The following TRAPPC9 variants were observed in gnomAD, a reference collection of about 807,000 sequenced individuals.
TRAPPC9 encodes the protein IKK2 binding protein.
TRAPPC9 carries 83 observed loss-of-function variants against 124.0 expected under a neutral mutation model. That is an observed-to-expected ratio of 0.67 (90% confidence interval 0.56 to 0.80). TRAPPC9 has a LOEUF of 0.80. TRAPPC9 is among the 30% of genes least tolerant of loss of function. The pLI, the probability that TRAPPC9 is intolerant of heterozygous loss-of-function variation, is 0.00. For missense variants in TRAPPC9, 1,302 were observed against 1,508.3 expected, an observed-to-expected ratio of 0.86 and a Z score of 2.27; for synonymous variants, 638 against 617.5, an observed-to-expected ratio of 1.03 and a Z score of -0.49.
At chr8:139,971,350 G>A (rs1228895153) in intron 19 of TRAPPC9, among the ~76,000 whole-genome samples, 5 of 151,992 alleles carry the variant, frequency 3.3e-5, no homozygotes, top group African/African-American at 1.2e-4. Context: ...GTGCTCCCCC[G>A]CCCCCAACCT....
chr8:139,857,546 C>T (rs1424236032), intron 21 of TRAPPC9, among the ~76,000 whole-genome samples: 8 of 152,204 alleles, frequency 5.3e-5, no homozygotes, highest in East Asian at 1.9e-4. Flanking sequence ...TTCACTCTCA[C>T]GGCTGCCACT....
intron 21 of TRAPPC9, among the ~76,000 whole-genome samples, chr8:139,855,183 A>C (rs1020175550): frequency 3.9e-5 from 6 of 152,244 alleles, no homozygotes; most frequent in Non-Finnish European, 5.9e-5. Flanking sequence ...TAAATAAAAT[A>C]GGCCCAAAGA....
chr8:140,394,772 C>T (rs1410042782), intron 7 of TRAPPC9, among the ~76,000 whole-genome samples: 2 of 152,124 alleles, frequency 1.3e-5, no homozygotes, highest in Non-Finnish European at 2.9e-5. Flanking sequence ...ATGTTTACAC[C>T]CAGTCTCTCT....
chr8:139,874,848 C>A (rs1177385166), intron 21 of TRAPPC9, among the ~76,000 whole-genome samples: 3 of 152,148 alleles, frequency 2.0e-5, no homozygotes, highest in Non-Finnish European at 4.4e-5. Context: ...TCGCCCTGAG[C>A]GCCGTGGGAA....
At chr8:139,845,500 C>T (rs1365075306) in intron 21 of TRAPPC9, among the ~76,000 whole-genome samples, 2 of 152,266 alleles carry the variant, frequency 1.3e-5, no homozygotes, top group African/African-American at 4.8e-5. Context: ...GGAGCCCGTA[C>T]TTCCAGGCTT....
chr8:140,337,623 C>A (rs1472471200), intron 9 of TRAPPC9, among the ~76,000 whole-genome samples: 1 of 152,186 alleles, frequency 6.6e-6, no homozygotes, highest in Admixed American at 6.5e-5. Context: ...CTCTGCCATG[C>A]AGCACGTGGG....
intron 21 of TRAPPC9, among the ~76,000 whole-genome samples, chr8:139,815,590 C>G (rs952023239): frequency 6.6e-6 from 1 of 152,160 alleles, no homozygotes; most frequent in Non-Finnish European, 1.5e-5. Context: ...CAGGGTTTCA[C>G]CATGTTGGCC....
At position 139,984,593 on chromosome 8, in the gene TRAPPC9, T is replaced by A. The variant is rs1837123808; in HGVS notation, c.2810+4133A>T. Among the ~76,000 whole-genome samples, 1 of 152,092 alleles carries A rather than the reference T, an allele frequency of 6.6e-6. No homozygotes were observed. On this transcript the variant is annotated intron_variant, in intron 19 of 22. Transcript: ENST00000438773. This position sits in a 1 kb window ranked among gnomAD's most constrained non-coding sequence, Gnocchi z 4.3. ...AAGGACAGGGACCAGGTCTGAGGTC[T>A]GTAAGGTGCTGTCCGGCGTTGCGAA...
intron 21 of TRAPPC9, among the ~76,000 whole-genome samples, chr8:139,737,213 G>C (rs528307018): frequency 2.6e-5 from 4 of 152,264 alleles, no homozygotes; most frequent in Admixed American, 2.0e-4. Context: ...CTGAGGGACA[G>C]AGCGGGCAGC....
At chr8:140,289,178 T>C (rs1157095738) in intron 12 of TRAPPC9, among the ~76,000 whole-genome samples, 1 of 17,294 alleles carries the variant, frequency 5.8e-5, no homozygotes, top group Non-Finnish European at 1.0e-4. Flanking sequence ...ATATATAGTG[T>C]GTGTGTGTGT....
intron 22 of TRAPPC9, 22 bp from the exon 23 acceptor site, chr8:139,731,250 A>C: frequency 6.2e-7 from 1 of 1,612,264 alleles, no homozygotes; most frequent in Non-Finnish European, 8.5e-7. Context: ...GGAGAAAGAC[A>C]CATCAGTCTG....
At chr8:140,386,296 T>A (rs949435591) in intron 7 of TRAPPC9, among the ~76,000 whole-genome samples, 4 of 152,090 alleles carry the variant, frequency 2.6e-5, no homozygotes, top group African/African-American at 9.7e-5. Context: ...CTATTCAACA[T>A]AGTTGGAAGT....
intron 17 of TRAPPC9, among the ~76,000 whole-genome samples, chr8:140,117,870 C>A (rs961070916): frequency 3.3e-5 from 5 of 152,140 alleles, no homozygotes; most frequent in African/African-American, 1.2e-4. Flanking sequence ...TTACAAGATA[C>A]AACATCAAAT....
intron 19 of TRAPPC9, among the ~76,000 whole-genome samples, chr8:139,949,035 T>C (rs1040832846): frequency 3.9e-5 from 6 of 151,970 alleles, no homozygotes; most frequent in African/African-American, 1.2e-4. Flanking sequence ...ATTGCACCAC[T>C]GTACTCCGGC....
At chr8:139,748,674 A>C (rs1819117531) in intron 21 of TRAPPC9, among the ~76,000 whole-genome samples, 1 of 151,982 alleles carries the variant, frequency 6.6e-6, no homozygotes, top group Non-Finnish European at 1.5e-5. Context: ...GGCATCTGCC[A>C]TTGGCGTGTC....
chr8:140,046,418 C>T (rs1841599764), intron 17 of TRAPPC9, among the ~76,000 whole-genome samples: 1 of 152,240 alleles, frequency 6.6e-6, no homozygotes, highest in Admixed American at 6.5e-5. Flanking sequence ...GGCCTTCGCC[C>T]CAGACTCCCC....
intron 5 of TRAPPC9, among the ~76,000 whole-genome samples, chr8:140,406,110 C>T (rs761076204): frequency 3.3e-5 from 5 of 152,000 alleles, no homozygotes; most frequent in Middle Eastern, 3.4e-3. Flanking sequence ...CTGAACCACA[C>T]GGCATTGAAA....
chr8:139,887,505 T>C (rs2131129897), intron 20 of TRAPPC9, among the ~76,000 whole-genome samples: 1 of 152,354 alleles, frequency 6.6e-6, no homozygotes, highest in Non-Finnish European at 1.5e-5. Context: ...ATTACAGGCG[T>C]GAGCCACAGT....
intron 17 of TRAPPC9, among the ~76,000 whole-genome samples, chr8:140,080,012 T>C (rs1053717200): frequency 1.3e-5 from 2 of 152,138 alleles, no homozygotes; most frequent in Non-Finnish European, 2.9e-5. Context: ...ATGGCATCAC[T>C]TTCCCCTGGT....
Sources: allele counts gnomAD v4.1 joint callset (sites outside exome capture counted in the v4.1 genomes callset), GRCh38; gene constraint gnomAD v4.1.1; non-coding constraint Gnocchi (gnomAD v3.1); transcripts MANE v1.5; gene names NCBI Gene and HGNC (gene_info 2026-07-23, HGNC 2026-07-21).